Variants in HIVEP3 observed in about 807,000 individuals in gnomAD.
HIVEP3 encodes the protein transcription factor HIVEP3.
Under a neutral mutation model 152.8 loss-of-function variants are expected in HIVEP3, and 49 were observed. That is an observed-to-expected ratio of 0.32 (90% CI 0.26 to 0.41). The LOEUF (loss-of-function observed/expected upper bound fraction) is 0.41, where lower values mean the gene tolerates loss of function less well. HIVEP3 is among the 10% of genes least tolerant of loss of function. The pLI is 1.00. For synonymous variants in HIVEP3, 1,269 were observed against 1,289.0 expected, an observed-to-expected ratio of 0.98 and a Z score of 0.33; for missense variants, 2,790 against 3,103.3, an observed-to-expected ratio of 0.90 and a Z score of 2.40.
At chr1:41,765,457 C>T (rs1647951631) in intron 1 of HIVEP3, among the ~76,000 whole-genome samples, 1 of 152,176 alleles carries the variant, frequency 6.6e-6, no homozygotes, top group African/African-American at 2.4e-5. Context: ...CAGATGTCAA[C>T]ATCTGGCTCC....
Position 42,017,416 on chromosome 1 carries a change from C to T in HIVEP3, n.119+18391G>A, listed in dbSNP as rs150812074. On this transcript the variant is annotated intron_variant and non_coding_transcript_variant, in intron 1 of 3. Transcript: ENST00000489103. ...CCCCATCCCATACCATACACCCAGA[C>T]CAAGAAACCAAATATGACTCACACC... 6.5e-4 allele frequency among the ~76,000 whole-genome samples: 99 copies of T among 152,110 alleles called. 1 individual carries two copies. In the East Asian group the frequency reaches 0.018, roughly 28 times the overall value.
intron 1 of HIVEP3, among the ~76,000 whole-genome samples, chr1:41,834,614 T>C (rs1643068586): frequency 6.6e-6 from 1 of 152,158 alleles, no homozygotes; most frequent in Non-Finnish European, 1.5e-5. Context: ...AATTGTGAGG[T>C]TCATCATTTC....
rs1183148926 is a variant in HIVEP3, at chr1:41,749,779, T to C, written c.-800-48784A>G. Among the ~76,000 whole-genome samples, 4 of 152,282 alleles carry C rather than the reference T, an allele frequency of 2.6e-5. No individual in the cohort carries two copies. In the South Asian group the frequency reaches 8.3e-4, roughly 32 times the overall value. ...AAAACAAATAAGTTGGACTTGTGAGTGGCTTCAGCATGTGCTCTACGGAGC... is the reference window on the plus strand; with the variant it reads ...AAAACAAATAAGTTGGACTTGTGAGCGGCTTCAGCATGTGCTCTACGGAGC... On this transcript the variant is annotated intron_variant, in intron 1 of 8. Transcript: ENST00000372583.
At chr1:41,786,746 TTTTC>T (rs1211876998) in intron 1 of HIVEP3, among the ~76,000 whole-genome samples, 1 of 146,474 alleles carries the variant, frequency 6.8e-6, no homozygotes, top group African/African-American at 2.7e-5. Flanking sequence ...ACACATGTAA[TTTTC>T]TTTCTTTTTT....
At chr1:41,935,296 A>C (rs1016689058) in intron 1 of HIVEP3, among the ~76,000 whole-genome samples, 2 of 152,164 alleles carry the variant, frequency 1.3e-5, no homozygotes, top group African/African-American at 4.8e-5. Flanking sequence ...AACTAGAATT[A>C]ATTCCCAGGT....
At chr1:41,758,520 G>C (rs1009123920) in intron 1 of HIVEP3, among the ~76,000 whole-genome samples, 1 of 152,180 alleles carries the variant, frequency 6.6e-6, no homozygotes, top group South Asian at 2.1e-4. Context: ...ACAATTCCTA[G>C]GAAGCTTTAT....
intron 3 of HIVEP3, among the ~76,000 whole-genome samples, chr1:41,626,808 T>C (rs1297322681): frequency 1.3e-5 from 2 of 152,182 alleles, no homozygotes; most frequent in East Asian, 3.9e-4. Flanking sequence ...CATGTGGACA[T>C]TCCTGGGGAA....
chr1:41,593,815 T>A (rs1490505690), intron 3 of HIVEP3, among the ~76,000 whole-genome samples: 1 of 152,242 alleles, frequency 6.6e-6, no homozygotes, highest in East Asian at 1.9e-4. Context: ...ACGTCTGAAA[T>A]AGGTCTCACT....
chr1:41,868,203 T>TTC (rs1355452267), intron 1 of HIVEP3, among the ~76,000 whole-genome samples: 2 of 151,180 alleles, frequency 1.3e-5, no homozygotes, highest in Non-Finnish European at 3.0e-5. Flanking sequence ...GGGGGTTTTT[T>TTC]TTTTTTTGGT....
At chr1:42,007,612 G>A (rs1645467290) in intron 1 of HIVEP3, among the ~76,000 whole-genome samples, 1 of 152,184 alleles carries the variant, frequency 6.6e-6, no homozygotes, top group Non-Finnish European at 1.5e-5. Flanking sequence ...GAGTGATGGG[G>A]AGGCTTGTGA....
rs10660316 is a variant in HIVEP3, at chr1:41,928,060, C to CAAAAAAAAAA, written n.120-9546_120-9537dup. Among the ~76,000 whole-genome samples the CAAAAAAAAAA allele has an allele frequency of 2.3e-5, 2 of 86,334 alleles. 1 individual carries two copies. Among genetic ancestry groups the CAAAAAAAAAA allele is most frequent in the Non-Finnish European group, 4.5e-5 (2 of 44,302 alleles). The allele number at this position is 86,334 out of a possible 152,430, so 56.6% of individuals were successfully genotyped here. ...TGGGTGACAGGGCGAGACTCCATCT[C>CAAAAAAAAAA]AAAAAAAAAAAAAAAAAAAAGGCTT... is the stretch of plus-strand genomic sequence containing the variant. On this transcript the variant is annotated intron_variant and non_coding_transcript_variant, in intron 1 of 3. Transcript: ENST00000489103.
intron 1 of HIVEP3, among the ~76,000 whole-genome samples, chr1:41,712,317 C>T (rs151040291): frequency 3.3e-5 from 5 of 152,350 alleles, no homozygotes; most frequent in Admixed American, 6.5e-5. Flanking sequence ...CGTAAAGATG[C>T]GCCCACTGCT....
chr1:41,575,966 CTCTG>C (rs1214009812), intron 4 of HIVEP3, among the ~76,000 whole-genome samples: 1 of 152,198 alleles, frequency 6.6e-6, no homozygotes, highest in South Asian at 2.1e-4. Context: ...TGTGTTTGTT[CTCTG>C]TCTTTTACAC....
intron 3 of HIVEP3, among the ~76,000 whole-genome samples, chr1:41,625,752 A>G (rs1168839100): frequency 5.3e-5 from 8 of 152,104 alleles, no homozygotes; most frequent in Non-Finnish European, 7.3e-5. Flanking sequence ...TAAATAAATA[A>G]AGTCTTTTGC....
chr1:41,845,595 A>G (rs888843692), intron 1 of HIVEP3, among the ~76,000 whole-genome samples: 1 of 152,208 alleles, frequency 6.6e-6, no homozygotes, highest in Non-Finnish European at 1.5e-5. Flanking sequence ...CATGTTTTAT[A>G]TACATATATG....
At chr1:41,880,180 C>T (rs1169068535) in intron 1 of HIVEP3, among the ~76,000 whole-genome samples, 1 of 152,168 alleles carries the variant, frequency 6.6e-6, no homozygotes, top group Non-Finnish European at 1.5e-5. Flanking sequence ...CTACCTCAGC[C>T]TCTTGAGTAG....
intron 5 of HIVEP3, among the ~76,000 whole-genome samples, chr1:41,549,512 T>C (rs1305805531): frequency 1.3e-5 from 2 of 152,208 alleles, no homozygotes; most frequent in Non-Finnish European, 2.9e-5. Flanking sequence ...TGTTCCTATT[T>C]CTCCACATCC....
At chr1:41,881,203 A>T (rs1435714556) in intron 1 of HIVEP3, among the ~76,000 whole-genome samples, 1 of 152,236 alleles carries the variant, frequency 6.6e-6, no homozygotes, top group Non-Finnish European at 1.5e-5. Flanking sequence ...GTTGTGCAAC[A>T]TCTAATACAG....
chr1:41,762,098 C>T (rs1003881844), intron 1 of HIVEP3, among the ~76,000 whole-genome samples: 1 of 152,098 alleles, frequency 6.6e-6, no homozygotes, highest in Non-Finnish European at 1.5e-5. Flanking sequence ...TTTGTTTTAG[C>T]CTTTTTTGCA....
Sources: allele counts gnomAD v4.1 joint callset (sites outside exome capture counted in the v4.1 genomes callset), GRCh38; gene constraint gnomAD v4.1.1; transcripts MANE v1.5; gene names NCBI Gene and HGNC (gene_info 2026-07-23, HGNC 2026-07-21).